CROT: variants seen among roughly 807,000 people sequenced by gnomAD.
The protein encoded by CROT is peroxisomal carnitine O-octanoyltransferase.
CROT carries 84 observed loss-of-function variants against 89.2 expected under a neutral mutation model. The ratio of observed to expected loss-of-function variants is 0.94; its 90% confidence interval spans 0.79 to 1.13. The LOEUF (loss-of-function observed/expected upper bound fraction) is 1.13. Among genes scored for constraint, CROT ranks in the 50% most tolerant of loss-of-function variants. The pLI is 0.00. For missense variants in CROT, 711 were observed against 727.8 expected (o/e 0.98, Z 0.27); for synonymous variants, 212 against 239.5 (o/e 0.89, Z 1.06).
At chr7:87,393,531 T>C (rs562795121) in intron 17 of CROT, among the ~76,000 whole-genome samples, 1 of 152,300 alleles carries the variant, frequency 6.6e-6, no homozygotes, top group East Asian at 1.9e-4. Flanking sequence ...GTTTGACTTA[T>C]GTTTATGGAA....
intron 3 of CROT, among the ~76,000 whole-genome samples, chr7:87,353,439 A>C (rs1339529568): frequency 1.3e-5 from 2 of 152,164 alleles, no homozygotes; most frequent in Non-Finnish European, 2.9e-5. Flanking sequence ...GTGAGCCACT[A>C]CGCCTGGCCC....
chr7:87,359,944 T>C (rs1806219193), intron 4 of CROT: 1 of 982,440 alleles, frequency 1.0e-6, no homozygotes, highest in Non-Finnish European at 1.2e-6. Context: ...TGCCTTAGTC[T>C]AGAAATAATT....
chr7:87,357,735 A>T, intron 3 of CROT: 1 of 596,142 alleles, frequency 1.7e-6, no homozygotes, highest in African/African-American at 1.9e-5. Context: ...TGTAAAGACT[A>T]AACTAAGCTA....
chr7:87,359,243 T>C lies in CROT; in HGVS notation c.153T>C (p.Thr51=), dbSNP rs771117050. 2.5e-6 allele frequency: 4 copies of C among 1,590,306 alleles called. No individual in the cohort carries two copies. The highest frequency in any genetic ancestry group is 4.5e-5 in the East Asian group (2 of 44,632). Residue 51 remains threonine, a synonymous_variant, in exon 4 of 18, where the codon ACT becomes ACC. Coordinates refer to ENST00000331536, the MANE Select transcript of CROT (RefSeq NM_021151.4). Reference sequence around the variant, plus strand: ...CAAATCAAGAAGAATATAAGAAAACTGAAGAAATAGTTCAAAAATTTCAAA... The same window carrying C: ...CAAATCAAGAAGAATATAAGAAAACCGAAGAAATAGTTCAAAAATTTCAAA... ...PFANQEEYKK[T]EEIVQKFQSG...
At position 87,382,494 on chromosome 7, in the gene CROT, A is replaced by G. The variant is rs760529973; in HGVS notation, c.1252A>G (p.Thr418Ala). Residue 418 changes from threonine (T) to alanine (A), a missense_variant, in exon 13 of 18, where the codon ACG becomes GCG. Physicochemically the swap from Thr to Ala is moderately conservative, Grantham distance 58. Transcript: ENST00000331536. Reference sequence around the variant, plus strand: ...CAAGAACAAGATGCTTCACCCGGATACGTTTATTCAGCTTGCACTTCAGCT... The same window carrying G: ...CAAGAACAAGATGCTTCACCCGGATGCGTTTATTCAGCTTGCACTTCAGCT... ...LTKNKMLHPD[T>A]FIQLALQLAY... 15 of 1,613,964 alleles carry G rather than the reference A, an allele frequency of 9.3e-6. 1 individual carries two copies. The Admixed American group carries it at 1.3e-4, about 14-fold the overall frequency.
chr7:87,390,191 G>A (rs1324873310), intron 13 of CROT, among the ~76,000 whole-genome samples: 1 of 152,014 alleles, frequency 6.6e-6, no homozygotes, highest in Non-Finnish European at 1.5e-5. Context: ...TCCTATTTTG[G>A]TTATGTTTTA....
At chr7:87,359,591 A>G in intron 4 of CROT, 2 of 1,215,492 alleles carry the variant, frequency 1.6e-6, no homozygotes, top group Non-Finnish European at 2.1e-6. Flanking sequence ...TATTTTAACA[A>G]TCACTTCATG....
At chr7:87,371,772 C>T (rs1806641323) in intron 7 of CROT, among the ~76,000 whole-genome samples, 1 of 152,018 alleles carries the variant, frequency 6.6e-6, no homozygotes, top group Non-Finnish European at 1.5e-5. Flanking sequence ...TGGAGGATCA[C>T]TTAAGGCCAA....
intron 13 of CROT, among the ~76,000 whole-genome samples, chr7:87,388,502 C>G (rs1214591330): frequency 6.6e-6 from 1 of 152,050 alleles, no homozygotes; most frequent in East Asian, 1.9e-4. Context: ...CTGTAACAAA[C>G]CTGAGAAAAA....
At chr7:87,354,403 G>A in intron 3 of CROT, 1 of 518,588 alleles carries the variant, frequency 1.9e-6, no homozygotes, top group South Asian at 1.4e-5. Flanking sequence ...GGATTTAACT[G>A]GACCTAGGAA....
chr7:87,358,172 T>C (rs976896937), intron 3 of CROT, among the ~76,000 whole-genome samples: 3 of 152,036 alleles, frequency 2.0e-5, no homozygotes, highest in African/African-American at 7.2e-5. Flanking sequence ...TGCTGACCCA[T>C]GTGTATTAGA....
chr7:87,378,992 T>C (rs560200110), intron 10 of CROT, among the ~76,000 whole-genome samples: 1 of 152,330 alleles, frequency 6.6e-6, no homozygotes, highest in East Asian at 1.9e-4. Flanking sequence ...TTCCTTTGAG[T>C]CTACTGTTGA....
chr7:87,367,478 T>C (rs902905341), intron 6 of CROT, among the ~76,000 whole-genome samples: 10 of 152,194 alleles, frequency 6.6e-5, no homozygotes, highest in Non-Finnish European at 1.5e-4. Flanking sequence ...GATAATAAAT[T>C]TGTGTTGTTT....
chr7:87,379,740 A>C (rs886959697), intron 10 of CROT, among the ~76,000 whole-genome samples: 1 of 152,234 alleles, frequency 6.6e-6, no homozygotes, highest in African/African-American at 2.4e-5. Context: ...TTTGCATTAA[A>C]TTCCATGGAG....
intron 6 of CROT, among the ~76,000 whole-genome samples, chr7:87,362,516 A>T (rs1806315206): frequency 6.6e-6 from 1 of 151,882 alleles, no homozygotes; most frequent in Non-Finnish European, 1.5e-5. Context: ...GGCTAGTCTC[A>T]AACTCCTGGG....
At chr7:87,355,297 G>A (rs540815417) in intron 3 of CROT, among the ~76,000 whole-genome samples, 35 of 151,890 alleles carry the variant, frequency 2.3e-4, no homozygotes, top group Non-Finnish European at 4.7e-4. Flanking sequence ...ATGGAGCTTT[G>A]CCATGTTGCC....
chr7:87,355,503 A>G (rs1252999953), intron 3 of CROT, among the ~76,000 whole-genome samples: 1 of 152,162 alleles, frequency 6.6e-6, no homozygotes, highest in African/African-American at 2.4e-5. Context: ...TCTAAATTAT[A>G]TAAAATTATT....
rs373469994 is a variant in CROT at position 87,365,664 on chromosome 7, G to A, written c.548-3712G>A. 1.4e-4 allele frequency among the ~76,000 whole-genome samples: 20 copies of A among 143,386 alleles called. No homozygotes were observed. In the South Asian group the frequency reaches 4.0e-3, roughly 28 times the overall value. 94.1% of individuals were successfully genotyped at this position (143,386 alleles called of 152,430 possible). A position where few individuals can be genotyped will look rare whatever the true frequency, so the allele number is the denominator to read the frequency against. On this transcript the variant is annotated intron_variant, in intron 6 of 17. Transcript: ENST00000331536. ...GGTCTGTCACCTAGGGTGGAATGCTGTGGTGTGATCACAGCTCACTGCAAC... is the reference window on the plus strand; with the variant it reads ...GGTCTGTCACCTAGGGTGGAATGCTATGGTGTGATCACAGCTCACTGCAAC...
intron 17 of CROT, among the ~76,000 whole-genome samples, chr7:87,394,987 G>GA (rs148318104): frequency 0.091 from 13,570 of 148,580 alleles, 859 homozygotes; most frequent in African/African-American, 0.18. Context: ...GCCCTATTCT[G>GA]AAAAAAAAAA....
Sources: gnomAD v4.1 joint callset for allele counts (sites outside exome capture counted in the v4.1 genomes callset) on GRCh38, gnomAD v4.1.1 for gene constraint, MANE v1.5 for transcripts, NCBI Gene and HGNC (gene_info 2026-07-23, HGNC 2026-07-21) for gene names.